XPC: variants seen among roughly 807,000 people sequenced by gnomAD.
XPC encodes the protein XPC complex subunit, DNA damage recognition and repair factor, also known as DNA repair protein complementing XP-C cells.
Under a neutral mutation model 95.8 loss-of-function variants are expected in XPC, and 76 were observed. The observed-to-expected ratio is 0.79, with a 90% CI of 0.66 to 0.96. The LOEUF (loss-of-function observed/expected upper bound fraction) is 0.96, where lower values mean the gene tolerates loss of function less well. Ranked by LOEUF, XPC falls within the 40% of genes least tolerant of loss-of-function variation. The probability of loss-of-function intolerance (pLI) is 0.00; values close to 1 mark genes in which losing one functional copy is unlikely to be tolerated. For missense variants in XPC, 1,146 were observed against 1,179.8 expected (o/e 0.97, Z 0.42); for synonymous variants, 442 against 442.1 (o/e 1.00, Z 0.00).
At chr3:14,166,288 C>T (rs1227242615) in intron 5 of XPC, among the ~76,000 whole-genome samples, 1 of 152,138 alleles carries the variant, frequency 6.6e-6, no homozygotes, top group Non-Finnish European at 1.5e-5. Context: ...GAGTCATCTT[C>T]CCTTTCTTTC....
intron 7 of XPC, among the ~76,000 whole-genome samples, chr3:14,160,292 T>C (rs557222883): frequency 9.9e-4 from 151 of 152,322 alleles, no homozygotes; most frequent in African/African-American, 3.5e-3. Flanking sequence ...GAAAGTATCA[T>C]TATCGTCAGA....
chr3:14,165,609 G>A, intron 5 of XPC, 24 bp from the exon 6 acceptor site: 1 of 1,611,216 alleles, frequency 6.2e-7, no homozygotes, highest in Non-Finnish European at 8.5e-7. Context: ...AGGAGGAAGG[G>A]GCAGCATGGA....
chr3:14,158,210 C>G lies in XPC; in HGVS notation c.1673G>C (p.Cys558Ser), dbSNP rs374608969. ...CATGGGCTTGGTGGCGTACTTGTAACAGGTCAGAGGCTGGCCCACCACACC... is the reference window on the plus strand; with the variant it reads ...CATGGGCTTGGTGGCGTACTTGTAAGAGGTCAGAGGCTGGCCCACCACACC... The part of the protein sequence containing the change: ...VHGVVGQPLT[C>S]YKYATKPMTY... The change falls in exon 9 of 16, where the codon TGT (cysteine) becomes TCT (serine). Residue 558 changes from cysteine (C) to serine (S), a missense_variant. By Grantham distance (112) the Cys-to-Ser change is moderately radical (BLOSUM62 -1). Transcript: ENST00000285021. This position sits in a 1 kb window ranked among gnomAD's most constrained non-coding sequence, Gnocchi z 5.2. 5 of 1,613,876 alleles carry G rather than the reference C, an allele frequency of 3.1e-6. No individual in the cohort carries two copies. The African/African-American group carries it at 6.7e-5, about 22-fold the overall frequency.
rs149736236 is a variant in XPC, at chr3:14,177,033, G to C, written c.103+1433C>G. On this transcript the variant is annotated intron_variant, in intron 1 of 15. Transcript: ENST00000285021. Reference sequence around the variant, plus strand: ...GAGAATCACTTGAACCTAGGAGGCGGAGGTCACGCCACTGCACTCCAGCCT... The same window carrying C: ...GAGAATCACTTGAACCTAGGAGGCGCAGGTCACGCCACTGCACTCCAGCCT... Among the ~76,000 whole-genome samples, 333 of 152,280 alleles carry C rather than the reference G, an allele frequency of 2.2e-3. 2 individuals carry two copies. The highest frequency in any genetic ancestry group is 7.8e-3 in the African/African-American group (324 of 41,552).
In XPC at chr3:14,158,732, T is replaced by C. The variant is rs775931529; in HGVS notation, c.1151A>G (p.Lys384Arg). The C allele has an allele frequency of 6.2e-7, 1 of 1,613,888 alleles. No homozygotes were observed. The highest frequency in any genetic ancestry group is 1.1e-5 in the South Asian group (1 of 91,082). ...KGTCRPSAKG[K>R]RNKGGRKKRS... ...TTTCTTTCTGCCTCCCTTGTTCCTC[T>C]TCCCTTTGGCACTTGGCCTGCAGGT... Residue 384 changes from lysine to arginine, a missense_variant, in exon 9 of 16, where the codon AAG becomes AGG. Coordinates refer to ENST00000285021, the MANE Select transcript of XPC (RefSeq NM_004628.5). This position sits in a 1 kb window ranked among gnomAD's most constrained non-coding sequence, Gnocchi z 5.2.
intron 1 of XPC, 149 bp downstream of exon 1, chr3:14,178,317 C>G: frequency 1.1e-6 from 1 of 899,712 alleles, no homozygotes; most frequent in Admixed American, 3.5e-5. Flanking sequence ...GCGGGGAGGG[C>G]CGGCCGCAGC....
At chr3:14,146,225 T>C (rs1695430829) in intron 15 of XPC, 66 bp from the exon 16 acceptor site, 13 of 1,455,818 alleles carry the variant, frequency 8.9e-6, no homozygotes, top group East Asian at 2.5e-5. Context: ...GGAAGCCCCA[T>C]GAAGAGGCAG....
chr3:14,151,875 G>A (rs1391955796), intron 11 of XPC: 1 of 160,042 alleles, frequency 6.2e-6, no homozygotes, highest in African/African-American at 2.4e-5. Context: ...CTGAGCTTCA[G>A]TTTTCTCATC....
intron 9 of XPC, among the ~76,000 whole-genome samples, chr3:14,157,533 A>ACTGTCTCATTCCGAGACAGTATCATGT: frequency 6.6e-6 from 1 of 152,048 alleles, no homozygotes; most frequent in South Asian, 2.1e-4. Context: ...GACTGAAGAT[A>ACTGTCTCATTCCGAGACAGTATCATGT]CTGTCTCATT....
chr3:14,147,462 A>G, intron 14 of XPC, 83 bp from the exon 15 acceptor site: 1 of 1,334,320 alleles, frequency 7.5e-7, no homozygotes, highest in Non-Finnish European at 1.0e-6. Context: ...TGTGAATGTA[A>G]AGACAGATAT....
chr3:14,178,091 G>T (rs886822874), intron 1 of XPC, among the ~76,000 whole-genome samples: 2 of 152,220 alleles, frequency 1.3e-5, no homozygotes, highest in African/African-American at 4.8e-5. Context: ...AGACTCAGCT[G>T]AAGTTATCAT....
chr3:14,147,856 C>T, intron 14 of XPC, 52 bp downstream of exon 14: 3 of 1,520,032 alleles, frequency 2.0e-6, no homozygotes, highest in Non-Finnish European at 2.7e-6. Context: ...AGGCCACCCG[C>T]TGAGTGTTGC....
intron 3 of XPC, among the ~76,000 whole-genome samples, chr3:14,168,888 C>A (rs1696499576): frequency 6.6e-6 from 1 of 152,154 alleles, no homozygotes; most frequent in Non-Finnish European, 1.5e-5. Flanking sequence ...CTCTTCACCC[C>A]CTACGTTGCT....
At chr3:14,178,274 G>T (rs1487739106) in intron 1 of XPC, 192 bp downstream of exon 1, 4 of 627,150 alleles carry the variant, frequency 6.4e-6, no homozygotes, top group Non-Finnish European at 1.0e-5. Context: ...GCGGGAAACC[G>T]CTCTGGGTGC....
rs760202814 is a variant in XPC, at chr3:14,159,720, T to A, written c.990+21A>T. The A allele has an allele frequency of 7.6e-5, 118 of 1,551,264 alleles. No individual in the cohort carries two copies. In the East Asian group the frequency reaches 2.8e-3, roughly 36 times the overall value. ...TTTCCTGTCAATTGCTCCTCTTCTCTGGCAGCCCTGCGCACCTCACCTTTG... is the reference window on the plus strand; with the variant it reads ...TTTCCTGTCAATTGCTCCTCTTCTCAGGCAGCCCTGCGCACCTCACCTTTG... On this transcript the variant is annotated intron_variant, in intron 8 of 15. Transcript: ENST00000285021.
At chr3:14,178,385 G>C in intron 1 of XPC, 81 bp downstream of exon 1, 3 of 1,466,360 alleles carry the variant, frequency 2.0e-6, no homozygotes, top group South Asian at 2.7e-5. Flanking sequence ...AGGCCTCCGC[G>C]TCTGGACTCC....
At chr3:14,156,296 T>TC (rs773394487) in intron 10 of XPC, 39 bp downstream of exon 10, 2 of 1,586,404 alleles carry the variant, frequency 1.3e-6, no homozygotes, top group Middle Eastern at 1.8e-4. Context: ...TCCCATGCCA[T>TC]CAGGAAGCCC....
intron 9 of XPC, 76 bp from the exon 10 acceptor site, chr3:14,156,571 A>T (rs1695919276): frequency 6.2e-7 from 1 of 1,600,976 alleles, no homozygotes; most frequent in African/African-American, 1.3e-5. Context: ...TGATCCTTAG[A>T]CTAACTTGTT....
At chr3:14,169,670 CTAAT>C (rs1193918019) in intron 3 of XPC, among the ~76,000 whole-genome samples, 1 of 152,114 alleles carries the variant, frequency 6.6e-6, no homozygotes, top group Non-Finnish European at 1.5e-5. Context: ...AGGAGAATGT[CTAAT>C]TATTAGGAAA....
Sources: allele counts gnomAD v4.1 joint callset (sites outside exome capture counted in the v4.1 genomes callset), GRCh38; gene constraint gnomAD v4.1.1; non-coding constraint Gnocchi (gnomAD v3.1); transcripts MANE v1.5; gene names NCBI Gene and HGNC (gene_info 2026-07-23, HGNC 2026-07-21).